The following DPP10 variants were observed in gnomAD, a reference collection of about 807,000 sequenced individuals.
DPP10 encodes the protein dipeptidyl peptidase like 10, also known as inactive dipeptidyl peptidase 10.
In DPP10, 33 loss-of-function variants were observed where a neutral mutation model predicts 120.9. The observed-to-expected ratio is 0.27, with a 90% CI of 0.21 to 0.37. The LOEUF (loss-of-function observed/expected upper bound fraction) is 0.37, where lower values mean the gene tolerates loss of function less well. Ranked by LOEUF, DPP10 falls within the 10% of genes least tolerant of loss-of-function variation. The probability of loss-of-function intolerance (pLI) is 1.00; values close to 1 mark genes in which losing one functional copy is unlikely to be tolerated. For synonymous variants in DPP10, 337 were observed against 326.1 expected (o/e 1.03, Z -0.36); for missense variants, 816 against 942.8 (o/e 0.87, Z 1.76).
chr2:115,307,010 G>A (rs181559321), intron 1 of DPP10, among the ~76,000 whole-genome samples: 1 of 152,166 alleles, frequency 6.6e-6, no homozygotes, highest in African/African-American at 2.4e-5. Flanking sequence ...TAGTGGTTAA[G>A]TGTGATCTTT....
intron 8 of DPP10, among the ~76,000 whole-genome samples, chr2:115,731,386 G>A (rs2149656405): frequency 6.6e-6 from 1 of 150,710 alleles, no homozygotes; most frequent in Middle Eastern, 3.4e-3. Context: ...GGGTGGGGTG[G>A]TGGGGTAGCA....
At chr2:115,166,558 TATA>T (rs2052885575) in intron 1 of DPP10, among the ~76,000 whole-genome samples, 2 of 146,492 alleles carry the variant, frequency 1.4e-5, no homozygotes, top group Non-Finnish European at 1.5e-5. Flanking sequence ...AAATATATAT[TATA>T]TAAATTTATA....
chr2:115,094,109 G>A (rs1036538518), intron 1 of DPP10, among the ~76,000 whole-genome samples: 1 of 152,058 alleles, frequency 6.6e-6, no homozygotes, highest in African/African-American at 2.4e-5. Flanking sequence ...TGAAATGTGA[G>A]TGACGGAGTT....
chr2:115,810,252 TAA>T (rs1419433370), intron 19 of DPP10, among the ~76,000 whole-genome samples: 1 of 151,168 alleles, frequency 6.6e-6, no homozygotes, highest in Non-Finnish European at 1.5e-5. Context: ...TAAATAAAAA[TAA>T]AAAAACCAAT....
intron 1 of DPP10, among the ~76,000 whole-genome samples, chr2:114,577,778 C>T (rs1690178007): frequency 6.6e-6 from 1 of 152,088 alleles, no homozygotes; most frequent in Non-Finnish European, 1.5e-5. Flanking sequence ...CATGCCTGTT[C>T]CCTAGCTGCT....
chr2:115,587,229 CTGGGACA>C (rs2082351650), intron 5 of DPP10, among the ~76,000 whole-genome samples: 1 of 151,748 alleles, frequency 6.6e-6, no homozygotes, highest in Admixed American at 6.6e-5. Context: ...TCCCGAGTAG[CTGGGACA>C]ACAGGCTCCC....
intron 7 of DPP10, among the ~76,000 whole-genome samples, chr2:115,702,687 C>T (rs1234625777): frequency 3.9e-5 from 6 of 152,018 alleles, no homozygotes; most frequent in Non-Finnish European, 7.4e-5. Flanking sequence ...TGGTTACTTA[C>T]AGTTGGAAGG....
At position 115,336,062 on chromosome 2, in the gene DPP10, A is replaced by T. The variant is rs2063110042; in HGVS notation, c.176-7755A>T. 2.0e-5 allele frequency among the ~76,000 whole-genome samples: 3 copies of T among 152,116 alleles called. No homozygotes were observed. In the South Asian group the frequency reaches 6.2e-4, roughly 31 times the overall value. On this transcript the variant is annotated intron_variant, in intron 2 of 25. Transcript: ENST00000410059. ...TGATATCAAGAATAAACTAGATAAA[A>T]CTAACACAATTATTTTCAGCAAAGA...
At position 115,550,604 on chromosome 2, in the gene DPP10, C is replaced by T. The variant is rs1400958586; in HGVS notation, c.441+24632C>T. Among the ~76,000 whole-genome samples, 6 of 152,206 alleles carry T rather than the reference C, an allele frequency of 3.9e-5. No homozygotes were observed. The East Asian group carries it at 1.2e-3, about 29-fold the overall frequency. ...AGTTTTTGCATGAAATTTACAGTAG[C>T]CATCTGCTTAGGCTGTGACCTATTT... On this transcript the variant is annotated intron_variant, in intron 5 of 25. Coordinates refer to ENST00000410059, the MANE Select transcript of DPP10 (RefSeq NM_020868.6).
In DPP10 at chr2:114,579,826, T is replaced by C. The variant is rs1690351866; in HGVS notation, c.60+136988T>C. Among the ~76,000 whole-genome samples, 3 of 151,996 alleles carry C rather than the reference T, an allele frequency of 2.0e-5. 1 individual carries two copies. In the South Asian group the frequency reaches 6.2e-4, roughly 32 times the overall value. On this transcript the variant is annotated intron_variant, in intron 1 of 25. Transcript: ENST00000410059. ...TCTAATCACCATCATAAAAATGCCT[T>C]TTTTTTACCTCCAGCTTTATAGAGA...
At chr2:115,190,039 C>G (rs879353228) in intron 1 of DPP10, among the ~76,000 whole-genome samples, 1 of 152,112 alleles carries the variant, frequency 6.6e-6, no homozygotes, top group Non-Finnish European at 1.5e-5. Flanking sequence ...TAAACTCCTC[C>G]GCTTTCTGCT....
intron 1 of DPP10, among the ~76,000 whole-genome samples, chr2:114,485,071 C>T (rs1280437069): frequency 6.6e-6 from 1 of 152,070 alleles, no homozygotes; most frequent in East Asian, 1.9e-4. Context: ...AGACAAAGCT[C>T]TGTGGAGTGG....
At chr2:115,334,668 G>T (rs960509254) in intron 2 of DPP10, among the ~76,000 whole-genome samples, 1 of 151,884 alleles carries the variant, frequency 6.6e-6, no homozygotes, top group Non-Finnish European at 1.5e-5. Context: ...CATTTCGGTT[G>T]AAGAGAACAA....
At chr2:115,617,758 T>C (rs2084636255) in intron 5 of DPP10, among the ~76,000 whole-genome samples, 1 of 152,114 alleles carries the variant, frequency 6.6e-6, no homozygotes, top group Non-Finnish European at 1.5e-5. Flanking sequence ...GAAAACTAAC[T>C]TCTCAGAATG....
chr2:115,815,718 A>AT lies in DPP10; in HGVS notation c.1944dup (p.Gly649TrpfsTer17). On this transcript the variant is annotated frameshift_variant, in exon 21 of 26. Coordinates refer to ENST00000410059, the MANE Select transcript of DPP10 (RefSeq NM_020868.6). LOFTEE classifies it high-confidence loss of function. Reference sequence around the variant, plus strand: ...TTACATTGACTCCAAAAGATTAAGCATTTTTGGAAAGGTAAATAGTAGAAA... The same window carrying AT: ...TTACATTGACTCCAAAAGATTAAGCATTTTTTGGAAAGGTAAATAGTAGAAA... 1 of 1,600,608 alleles carries AT rather than the reference A, an allele frequency of 6.2e-7. No individual in the cohort carries two copies. The highest frequency in any genetic ancestry group is 1.1e-5 in the South Asian group (1 of 89,234).
chr2:115,120,343 G>C (rs747424604), intron 1 of DPP10, among the ~76,000 whole-genome samples: 1 of 152,132 alleles, frequency 6.6e-6, no homozygotes, highest in Non-Finnish European at 1.5e-5. Flanking sequence ...AGACTCCTGG[G>C]GATTTGAAGA....
intron 1 of DPP10, among the ~76,000 whole-genome samples, chr2:114,757,254 G>A (rs1049177101): frequency 7.5e-6 from 1 of 133,378 alleles, no homozygotes; most frequent in South Asian, 2.7e-4. Flanking sequence ...AGGAAAGAAA[G>A]GGAAGAGGGA....
At chr2:114,699,073 T>C (rs1170834153) in intron 1 of DPP10, among the ~76,000 whole-genome samples, 3 of 152,132 alleles carry the variant, frequency 2.0e-5, no homozygotes, top group African/African-American at 7.2e-5. Context: ...TGTTGTTCTA[T>C]TTGTCCATGA....
At chr2:115,390,713 T>C (rs952197852) in intron 3 of DPP10, among the ~76,000 whole-genome samples, 2 of 152,200 alleles carry the variant, frequency 1.3e-5, no homozygotes, top group Non-Finnish European at 2.9e-5. Flanking sequence ...CCATTACTCA[T>C]ATGCTAAAGT....
Sources: gnomAD v4.1 joint callset for allele counts (sites outside exome capture counted in the v4.1 genomes callset) on GRCh38, gnomAD v4.1.1 for gene constraint, MANE v1.5 for transcripts, NCBI Gene and HGNC (gene_info 2026-07-23, HGNC 2026-07-21) for gene names.